Variants in AJAP1 observed in about 807,000 individuals in gnomAD.
The protein encoded by AJAP1 is adherens junction-associated protein 1.
A neutral mutation model predicts 35.0 loss-of-function variants in AJAP1; 5 were observed. The observed-to-expected ratio is 0.14, with a 90% CI of 0.07 to 0.30. The LOEUF (loss-of-function observed/expected upper bound fraction) is 0.30. Ranked by LOEUF, AJAP1 falls within the 10% of genes least tolerant of loss-of-function variation. AJAP1 has a pLI of 1.00. For missense variants in AJAP1, 586 were observed against 571.0 expected, an observed-to-expected ratio of 1.03 and a Z score of -0.27; for synonymous variants, 284 against 249.3, an observed-to-expected ratio of 1.14 and a Z score of -1.31.
chr1:4,767,190 T>G (rs1641702335), intron 2 of AJAP1, among the ~76,000 whole-genome samples: 1 of 152,150 alleles, frequency 6.6e-6, no homozygotes, highest in Non-Finnish European at 1.5e-5. Flanking sequence ...TAATGATACA[T>G]CATGCAGCTA....
In AJAP1 at chr1:4,777,189, A is replaced by G. The variant is rs528567752; in HGVS notation, c.*59+2631A>G. 1.1e-4 allele frequency among the ~76,000 whole-genome samples: 16 copies of G among 152,270 alleles called. No individual in the cohort carries two copies. In the East Asian group the frequency reaches 2.7e-3, roughly 26 times the overall value. ...ATCTCTCAGATTTGCTGGGGTACTT[A>G]TTGTCCCTAAATAAATAGCAATTAA... On this transcript the variant is annotated intron_variant, in intron 5 of 5. Coordinates refer to ENST00000378191, the MANE Select transcript of AJAP1 (RefSeq NM_018836.4).
In AJAP1 at chr1:4,785,468, C is replaced by G. The variant is rs1642146308; in HGVS notation, c.*2983C>G. On this transcript the variant is annotated 3_prime_UTR_variant, in exon 6 of 6. Coordinates refer to ENST00000378191, the MANE Select transcript of AJAP1 (RefSeq NM_018836.4). The stretch of plus-strand genomic sequence containing the variant: ...CAGACCCCTCACCTGGGATTGTCGT[C>G]TAGGTAAGAGGAGATAATGAGTGAA... 6.6e-6 allele frequency: 1 copy of G among 152,168 alleles called. No homozygotes were observed. 9.4% of individuals were successfully genotyped at this position (152,168 alleles called of 1,614,324 possible).
chr1:4,716,336 G>A (rs1350394871), intron 2 of AJAP1, among the ~76,000 whole-genome samples: 2 of 152,198 alleles, frequency 1.3e-5, no homozygotes, highest in Non-Finnish European at 2.9e-5. Flanking sequence ...GTACATTTGG[G>A]CAACTTGCTT....
In AJAP1 at chr1:4,666,057, C is replaced by T. The variant is rs543592550; in HGVS notation, c.29+10603C>T. 7.8e-3 allele frequency among the ~76,000 whole-genome samples: 1,180 copies of T among 152,166 alleles called. 15 individuals are homozygous for T. The highest frequency in any genetic ancestry group is 8.6e-3 in the Non-Finnish European group (585 of 67,962). On this transcript the variant is annotated intron_variant, in intron 1 of 5. Transcript: ENST00000378191. ...TGCTGCACAGATGGGGATGTGGAGG[C>T]ACCCCGCAGTGAAATAGCCCACTGA...
At chr1:4,769,767 G>A in intron 2 of AJAP1, 86 bp from the exon 3 acceptor site, 1 of 1,169,580 alleles carries the variant, frequency 8.6e-7, no homozygotes, top group Non-Finnish European at 1.3e-6. Context: ...GCTGGGTTGG[G>A]GGGATGCACC....
intron 2 of AJAP1, among the ~76,000 whole-genome samples, chr1:4,764,938 C>G (rs1376838653): frequency 2.0e-5 from 3 of 152,192 alleles, no homozygotes; most frequent in Non-Finnish European, 2.9e-5. Flanking sequence ...ATCTTCAGGG[C>G]CTGATCTTAT....
rs889686703 is a variant in AJAP1, at chr1:4,734,253, C to T, written c.829+21554C>T. 2.6e-5 allele frequency among the ~76,000 whole-genome samples: 4 copies of T among 152,192 alleles called. No homozygotes were observed. Among genetic ancestry groups the T allele is most frequent in the Non-Finnish European group, 4.4e-5 (3 of 68,040 alleles). On this transcript the variant is annotated intron_variant, in intron 2 of 5. Coordinates refer to ENST00000378191, the MANE Select transcript of AJAP1 (RefSeq NM_018836.4). This position sits in a 1 kb window ranked among gnomAD's most constrained non-coding sequence, Gnocchi z 4.3. The stretch of plus-strand genomic sequence containing the variant: ...CAGCTGAGCCCCGGAATAGGAAGGG[C>T]CTGCCCTACTGAGCCTCCTGCCTCA...
At chr1:4,680,456 A>G (rs1360042849) in intron 1 of AJAP1, among the ~76,000 whole-genome samples, 1 of 152,192 alleles carries the variant, frequency 6.6e-6, no homozygotes, top group Non-Finnish European at 1.5e-5. Flanking sequence ...GGGGGACACA[A>G]TTCCACCCAG....
intron 2 of AJAP1, among the ~76,000 whole-genome samples, chr1:4,730,635 G>C (rs1242599610): frequency 2.6e-5 from 4 of 152,216 alleles, no homozygotes; most frequent in Non-Finnish European, 5.9e-5. Flanking sequence ...TCCACCCCCA[G>C]GCCACCTTTC....
chr1:4,757,987 GATA>G (rs576781220), intron 2 of AJAP1, among the ~76,000 whole-genome samples: 260 of 152,212 alleles, frequency 1.7e-3, no homozygotes, highest in Non-Finnish European at 2.9e-3. Context: ...CTGTTTCTGT[GATA>G]ATGAGTGAGT....
At chr1:4,675,984 C>T (rs948382940) in intron 1 of AJAP1, among the ~76,000 whole-genome samples, 3 of 152,340 alleles carry the variant, frequency 2.0e-5, no homozygotes, top group Admixed American at 2.0e-4. Flanking sequence ...GGGACGCCCA[C>T]GTTTAGGAGG....
intron 1 of AJAP1, among the ~76,000 whole-genome samples, chr1:4,676,642 AC>A (rs1315200497): frequency 6.6e-6 from 1 of 152,094 alleles, no homozygotes; most frequent in East Asian, 1.9e-4. Context: ...AGTGAGGGAG[AC>A]TGGATTGTCG....
intron 1 of AJAP1, among the ~76,000 whole-genome samples, chr1:4,705,851 C>T (rs1640089694): frequency 6.6e-6 from 1 of 152,140 alleles, no homozygotes. Flanking sequence ...GGATGGGTTC[C>T]TGGGACTGAA....
intron 4 of AJAP1, among the ~76,000 whole-genome samples, chr1:4,772,978 C>T (rs1641870532): frequency 6.6e-6 from 1 of 152,166 alleles, no homozygotes; most frequent in South Asian, 2.1e-4. Context: ...CCACCAGACT[C>T]CCAGACCGGA....
Position 4,694,577 on chromosome 1 carries a change from G to C in AJAP1, c.30-17323G>C, listed in dbSNP as rs553221045. Among the ~76,000 whole-genome samples, 556 of 152,354 alleles carry C rather than the reference G, an allele frequency of 3.6e-3. 2 individuals are homozygous for C. Among genetic ancestry groups the C allele is most frequent in the Non-Finnish European group, 5.8e-3 (397 of 68,032 alleles). On this transcript the variant is annotated intron_variant, in intron 1 of 5. Transcript: ENST00000378191. Reference sequence around the variant, plus strand: ...CACAGCAGATGGAACATTACAAACTGTAAACTCTCAGAAACTAAATGACCA... The same window carrying C: ...CACAGCAGATGGAACATTACAAACTCTAAACTCTCAGAAACTAAATGACCA...
intron 2 of AJAP1, among the ~76,000 whole-genome samples, chr1:4,748,102 T>C (rs1254526739): frequency 3.3e-5 from 5 of 151,972 alleles, no homozygotes; most frequent in Non-Finnish European, 5.9e-5. Context: ...CCCTACACAG[T>C]GTCAACCTGG....
intron 1 of AJAP1, among the ~76,000 whole-genome samples, chr1:4,662,611 C>T (rs987131504): frequency 5.3e-5 from 8 of 152,148 alleles, no homozygotes; most frequent in Admixed American, 1.3e-4. Flanking sequence ...TAACCACAGA[C>T]GTCAGTGCTC....
chr1:4,664,805 C>T (rs997028085), intron 1 of AJAP1, among the ~76,000 whole-genome samples: 1 of 152,128 alleles, frequency 6.6e-6, no homozygotes, highest in African/African-American at 2.4e-5. Context: ...GCTGTGGATT[C>T]AATTTCCCGA....
In AJAP1 at chr1:4,787,525, A is replaced by T; in HGVS notation, c.*5040A>T. The T allele has an allele frequency of 2.7e-6, 1 of 376,150 alleles. No individual in the cohort carries two copies. Among genetic ancestry groups the T allele is most frequent in the South Asian group, 2.0e-5 (1 of 50,928 alleles). The allele number at this position is 376,150 out of a possible 1,614,324, so 23.3% of individuals were successfully genotyped here. The stretch of plus-strand genomic sequence containing the variant: ...GATAAAATGCAGTGCAGCACTGAAG[A>T]TAAGACATCGCAGTTGTTACGACGC... On this transcript the variant is annotated 3_prime_UTR_variant, in exon 6 of 6. Coordinates refer to ENST00000378191, the MANE Select transcript of AJAP1 (RefSeq NM_018836.4).
Sources: gnomAD v4.1 joint callset for allele counts (sites outside exome capture counted in the v4.1 genomes callset) on GRCh38, gnomAD v4.1.1 for gene constraint, Gnocchi (gnomAD v3.1) non-coding constraint, MANE v1.5 for transcripts, NCBI Gene and HGNC (gene_info 2026-07-23, HGNC 2026-07-21) for gene names.